Variants in FER observed in about 807,000 individuals in gnomAD.
The protein encoded by FER is FER tyrosine kinase, also known as tyrosine-protein kinase Fer.
FER carries 63 observed loss-of-function variants against 111.0 expected under a neutral mutation model. That is an observed-to-expected ratio of 0.57 (90% confidence interval 0.46 to 0.70). The LOEUF (loss-of-function observed/expected upper bound fraction) is 0.70. Ranked by LOEUF, FER falls within the 30% of genes least tolerant of loss-of-function variation. The probability of loss-of-function intolerance (pLI) is 0.00; values close to 1 mark genes in which losing one functional copy is unlikely to be tolerated. For missense variants in FER, 914 were observed against 954.0 expected (o/e 0.96, Z 0.55); for synonymous variants, 327 against 313.9 (o/e 1.04, Z -0.44).
chr5:108,908,576 C>T (rs1751109496), intron 10 of FER, among the ~76,000 whole-genome samples: 1 of 152,106 alleles, frequency 6.6e-6, no homozygotes, highest in Non-Finnish European at 1.5e-5. Context: ...GGTTGCTAAT[C>T]TCTCTATTAA....
At chr5:108,823,462 A>T (rs1298833856) in intron 3 of FER, among the ~76,000 whole-genome samples, 2 of 152,084 alleles carry the variant, frequency 1.3e-5, no homozygotes, top group African/African-American at 4.8e-5. Context: ...CTTTTTTATA[A>T]TAGCCATCTT....
intron 13 of FER, among the ~76,000 whole-genome samples, chr5:108,999,180 C>G (rs72790518): frequency 2.0e-5 from 3 of 151,880 alleles, no homozygotes; most frequent in Non-Finnish European, 4.4e-5. Flanking sequence ...CTGATTTCTC[C>G]TTCCTTGAAT....
chr5:108,977,579 A>G (rs1166017906), intron 13 of FER, among the ~76,000 whole-genome samples: 1 of 152,184 alleles, frequency 6.6e-6, no homozygotes, highest in African/African-American at 2.4e-5. Context: ...TGAACTCATT[A>G]TGTTGATTTA....
At chr5:108,885,197 T>A (rs1746929515) in intron 9 of FER, among the ~76,000 whole-genome samples, 1 of 151,978 alleles carries the variant, frequency 6.6e-6, no homozygotes, top group African/African-American at 2.4e-5. Context: ...CTACTTGACA[T>A]GCCTTTTTGA....
At chr5:109,133,187 T>A (rs1752547199) in intron 17 of FER, among the ~76,000 whole-genome samples, 1 of 152,206 alleles carries the variant, frequency 6.6e-6, no homozygotes, top group African/African-American at 2.4e-5. Flanking sequence ...TGAAAGTGAC[T>A]GTAGGAGATA....
chr5:108,953,906 T>C (rs1387086298), intron 11 of FER, among the ~76,000 whole-genome samples: 1 of 152,036 alleles, frequency 6.6e-6, no homozygotes. Context: ...AACAACAACA[T>C]CAACAAGATT....
In FER at chr5:109,165,593, GGTGTGTGTGTGTGTGT is replaced by G. The variant is rs66749153; in HGVS notation, c.2049-15123_2049-15108del. Among the ~76,000 whole-genome samples, 98 of 142,350 alleles carry G rather than the reference GGTGTGTGTGTGTGTGT, an allele frequency of 6.9e-4. 1 individual carries two copies. The highest frequency in any genetic ancestry group is 1.9e-3 in the Admixed American group (27 of 14,352). 93.4% of individuals were successfully genotyped at this position (142,350 alleles called of 152,430 possible). On this transcript the variant is annotated intron_variant, in intron 17 of 19. Transcript: ENST00000281092. ...ACCACACAGGTGGGAGGAGGGAACT[GGTGTGTGTGTGTGTGT>G]GTGTGTGTGTGTGTGTGTGTGTGTG...
chr5:109,189,106 A>T lies in FER; in HGVS notation c.*1531A>T, dbSNP rs912473808. 2 of 152,180 alleles carry T rather than the reference A, an allele frequency of 1.3e-5. No individual in the cohort carries two copies. The highest frequency in any genetic ancestry group is 2.9e-5 in the Non-Finnish European group (2 of 68,040). The allele number at this position is 152,180 out of a possible 1,614,324, so 9.4% of individuals were successfully genotyped here. On this transcript the variant is annotated 3_prime_UTR_variant, in exon 20 of 20. Coordinates refer to ENST00000281092, the MANE Select transcript of FER (RefSeq NM_005246.4). ...CAGGTATGCAAGCAGAGTGCTGAAG[A>T]TGTCTCATGTGAATAAAATGTAACT...
At chr5:109,037,398 A>T (rs1770550875) in intron 13 of FER, 24 bp from the exon 14 acceptor site, 2 of 1,603,820 alleles carry the variant, frequency 1.2e-6, no homozygotes, top group Non-Finnish European at 1.7e-6. Flanking sequence ...TGTACTAAAC[A>T]ACTGTTCTTA....
intron 6 of FER, among the ~76,000 whole-genome samples, chr5:108,869,023 C>T (rs1024733685): frequency 2.0e-5 from 3 of 151,934 alleles, no homozygotes; most frequent in Middle Eastern, 3.4e-3. Flanking sequence ...CAGACCTTAG[C>T]GATAACCTTG....
intron 3 of FER, among the ~76,000 whole-genome samples, chr5:108,809,092 C>G (rs1757486174): frequency 6.6e-6 from 1 of 152,172 alleles, no homozygotes. Flanking sequence ...TGTATAGCAT[C>G]TCACAGGTGT....
intron 2 of FER, among the ~76,000 whole-genome samples, chr5:108,768,474 A>G (rs1339894042): frequency 6.6e-6 from 1 of 152,220 alleles, no homozygotes; most frequent in Non-Finnish European, 1.5e-5. Context: ...TAATTAGCAG[A>G]ATCCCAATCT....
chr5:109,085,511 A>C (rs1372922253), intron 16 of FER, among the ~76,000 whole-genome samples: 1 of 149,708 alleles, frequency 6.7e-6, no homozygotes, highest in Non-Finnish European at 1.5e-5. Context: ...AATTTTCTGC[A>C]AAGAGATTTT....
intron 2 of FER, among the ~76,000 whole-genome samples, chr5:108,772,243 A>G (rs538238666): frequency 7.0e-5 from 10 of 142,762 alleles, no homozygotes; most frequent in African/African-American, 2.6e-4. Context: ...GGAGGGACAC[A>G]TATATTCAAA....
chr5:108,825,287 A>G (rs868286528), intron 3 of FER, among the ~76,000 whole-genome samples: 1 of 152,198 alleles, frequency 6.6e-6, no homozygotes, highest in African/African-American at 2.4e-5. Context: ...AGTCTCAACC[A>G]TAAGAGACAG....
At chr5:109,099,837 G>A (rs566504023) in intron 16 of FER, among the ~76,000 whole-genome samples, 1 of 151,498 alleles carries the variant, frequency 6.6e-6, no homozygotes, top group South Asian at 2.1e-4. Flanking sequence ...AATACATTCT[G>A]GGTCAGTGAG....
chr5:109,037,466 A>G lies in FER; in HGVS notation c.1701A>G (p.Glu567=). Residue 567 remains glutamate, a synonymous_variant, in exon 14 of 20, where the codon GAA becomes GAG. Coordinates refer to ENST00000281092, the MANE Select transcript of FER (RefSeq NM_005246.4). ...ILSHEDVILG[E]LLGKGNFGEV... ...GTCATGAAGATGTCATATTGGGAGA[A>G]TTACTGGGCAAGGTATGTAATCAAC... 1 of 1,612,014 alleles carries G rather than the reference A, an allele frequency of 6.2e-7. No homozygotes were observed. Among genetic ancestry groups the G allele is most frequent in the Non-Finnish European group, 8.5e-7 (1 of 1,178,436 alleles).
intron 2 of FER, among the ~76,000 whole-genome samples, chr5:108,785,979 A>G (rs1279044578): frequency 6.6e-6 from 1 of 152,228 alleles, no homozygotes; most frequent in African/African-American, 2.4e-5. Context: ...ATTAACTGGA[A>G]AAAATGGTCT....
chr5:108,774,648 C>T (rs535042341), intron 2 of FER, among the ~76,000 whole-genome samples: 13 of 151,944 alleles, frequency 8.6e-5, no homozygotes, highest in African/African-American at 2.7e-4. Flanking sequence ...ATTTCTTTAA[C>T]GATCAGTGGA....
Sources: gnomAD v4.1 joint callset for allele counts (sites outside exome capture counted in the v4.1 genomes callset) on GRCh38, gnomAD v4.1.1 for gene constraint, MANE v1.5 for transcripts, NCBI Gene and HGNC (gene_info 2026-07-23, HGNC 2026-07-21) for gene names.